Variants in OPCML observed in about 807,000 individuals in gnomAD.
OPCML encodes opioid-binding protein/cell adhesion molecule.
A neutral mutation model predicts 37.8 loss-of-function variants in OPCML; 13 were observed. That is an observed-to-expected ratio of 0.34 (90% CI 0.22 to 0.55). The LOEUF (loss-of-function observed/expected upper bound fraction) is 0.55, where lower values mean the gene tolerates loss of function less well. Among genes scored for constraint, OPCML ranks in the 20% least tolerant of loss-of-function variants. The pLI is 0.91. For synonymous variants in OPCML, 176 were observed against 168.8 expected, an observed-to-expected ratio of 1.04 and a Z score of -0.33; for missense variants, 341 against 435.6, an observed-to-expected ratio of 0.78 and a Z score of 1.93.
chr11:132,562,636 GA>G (rs372648274), intron 3 of OPCML, among the ~76,000 whole-genome samples: 21 of 151,964 alleles, frequency 1.4e-4, no homozygotes, highest in African/African-American at 4.8e-4. Context: ...TGTGCCTGAG[GA>G]TATATGAGGG....
intron 2 of OPCML, among the ~76,000 whole-genome samples, chr11:132,762,149 C>A (rs1019446105): frequency 6.6e-6 from 1 of 152,238 alleles, no homozygotes; most frequent in Non-Finnish European, 1.5e-5. Flanking sequence ...AGCTGCAGAA[C>A]AGCGAAGATT....
intron 3 of OPCML, among the ~76,000 whole-genome samples, chr11:132,619,562 G>C (rs1939265743): frequency 6.6e-6 from 1 of 151,932 alleles, no homozygotes; most frequent in African/African-American, 2.4e-5. Flanking sequence ...TAAAACGGCC[G>C]GGTGCGGTGG....
chr11:132,692,220 G>A (rs775820712), intron 2 of OPCML, among the ~76,000 whole-genome samples: 1 of 128,234 alleles, frequency 7.8e-6, no homozygotes, highest in South Asian at 2.7e-4. Context: ...CCTGTCATTG[G>A]TGATGCTACA....
At chr11:132,487,835 A>G (rs763444615) in intron 4 of OPCML, among the ~76,000 whole-genome samples, 4 of 152,236 alleles carry the variant, frequency 2.6e-5, no homozygotes, top group African/African-American at 4.8e-5. Context: ...TTACTCAATC[A>G]TAGTATTGCA....
At chr11:132,927,809 A>G (rs1945048805) in intron 2 of OPCML, among the ~76,000 whole-genome samples, 1 of 152,078 alleles carries the variant, frequency 6.6e-6, no homozygotes. Flanking sequence ...AATTTGTGAC[A>G]TCAGTAACAT....
At chr11:133,395,252 T>C (rs1054992003) in intron 1 of OPCML, among the ~76,000 whole-genome samples, 1 of 152,216 alleles carries the variant, frequency 6.6e-6, no homozygotes, top group East Asian at 1.9e-4. Context: ...TTGTTTGAGC[T>C]CCTTATATAC....
intron 4 of OPCML, among the ~76,000 whole-genome samples, chr11:132,490,315 A>G (rs117558212): frequency 0.013 from 1,956 of 152,002 alleles, 23 homozygotes; most frequent in South Asian, 0.029. Context: ...TATTTTCCAT[A>G]CCCTGAAATC....
At chr11:133,316,459 C>G (rs1943207354) in intron 1 of OPCML, among the ~76,000 whole-genome samples, 1 of 152,104 alleles carries the variant, frequency 6.6e-6, no homozygotes, top group Non-Finnish European at 1.5e-5. Context: ...AGGGGAACAT[C>G]ACACAGTGGG....
chr11:133,116,650 G>A (rs1185074406), intron 1 of OPCML, among the ~76,000 whole-genome samples: 1 of 152,052 alleles, frequency 6.6e-6, no homozygotes, highest in Non-Finnish European at 1.5e-5. Flanking sequence ...TATCTCATTA[G>A]GAGGCATGTG....
intron 1 of OPCML, among the ~76,000 whole-genome samples, chr11:133,384,991 C>T (rs915853439): frequency 2.6e-5 from 4 of 152,220 alleles, no homozygotes; most frequent in East Asian, 3.9e-4. Flanking sequence ...CCGAGGTCTC[C>T]GCCTCTGGGT....
At position 132,694,179 on chromosome 11, in the gene OPCML, C is replaced by CT. The variant is rs1162305568; in HGVS notation, c.147-36861dup. ...GAGTTTCGTTCTGTGAAATCAATGT[C>CT]TTTTTTTTTTTTTTTTTTTTTTTTT... is the stretch of plus-strand genomic sequence containing the variant. On this transcript the variant is annotated intron_variant, in intron 2 of 7. Coordinates refer to ENST00000524381, the MANE Select transcript of OPCML (RefSeq NM_001012393.5). 4.4e-3 allele frequency among the ~76,000 whole-genome samples: 188 copies of CT among 43,012 alleles called. 33 individuals carry two copies. The highest frequency in any genetic ancestry group is 5.3e-3 in the Non-Finnish European group (131 of 24,682). The allele number at this position is 43,012 out of a possible 152,430, so 28.2% of individuals were successfully genotyped here. A position where few individuals can be genotyped will look rare whatever the true frequency, so the allele number is the denominator to read the frequency against.
At chr11:133,055,495 T>A (rs1231167481) in intron 1 of OPCML, among the ~76,000 whole-genome samples, 3 of 150,014 alleles carry the variant, frequency 2.0e-5, no homozygotes, top group Non-Finnish European at 4.4e-5. Flanking sequence ...GCTGCCTCCA[T>A]GATACTTCCA....
chr11:133,364,224 G>A (rs575444095), intron 1 of OPCML, among the ~76,000 whole-genome samples: 24 of 152,166 alleles, frequency 1.6e-4, no homozygotes, highest in African/African-American at 1.7e-4. Context: ...ATTCCTACAC[G>A]CATGCACATG....
intron 4 of OPCML, among the ~76,000 whole-genome samples, chr11:132,466,510 A>G (rs1333271767): frequency 6.6e-6 from 1 of 152,006 alleles, no homozygotes; most frequent in Non-Finnish European, 1.5e-5. Flanking sequence ...GCTTGCTTCA[A>G]TCCTGGTCAA....
chr11:132,566,409 T>A (rs2096423286), intron 3 of OPCML, among the ~76,000 whole-genome samples: 1 of 152,210 alleles, frequency 6.6e-6, no homozygotes, highest in Non-Finnish European at 1.5e-5. Flanking sequence ...CAGCTCTTTT[T>A]ATACATGTTT....
At chr11:133,526,498 T>A (rs1352174183) in intron 1 of OPCML, among the ~76,000 whole-genome samples, 1 of 152,158 alleles carries the variant, frequency 6.6e-6, no homozygotes, top group African/African-American at 2.4e-5. Flanking sequence ...AGGGAATGTA[T>A]GTTCACATGC....
intron 1 of OPCML, among the ~76,000 whole-genome samples, chr11:133,031,919 T>G (rs1947681492): frequency 6.6e-6 from 1 of 152,210 alleles, no homozygotes; most frequent in South Asian, 2.1e-4. Flanking sequence ...GAGTGCCTCT[T>G]CTATGCCAAA....
chr11:133,118,027 G>A, intron 1 of OPCML: 1 of 769,842 alleles, frequency 1.3e-6, no homozygotes, highest in Non-Finnish European at 1.6e-6. Context: ...AGTCTACAGG[G>A]GTGTGAAGTT....
At chr11:132,931,511 A>G (rs1945201005) in intron 2 of OPCML, among the ~76,000 whole-genome samples, 1 of 152,222 alleles carries the variant, frequency 6.6e-6, no homozygotes, top group African/African-American at 2.4e-5. Flanking sequence ...ATCAACTTGA[A>G]TAGACATTTC....
Sources: allele counts gnomAD v4.1 joint callset (sites outside exome capture counted in the v4.1 genomes callset), GRCh38; gene constraint gnomAD v4.1.1; transcripts MANE v1.5; gene names NCBI Gene and HGNC (gene_info 2026-07-23, HGNC 2026-07-21).